CCDC102B: variants seen among roughly 807,000 people sequenced by gnomAD.
CCDC102B encodes the protein coiled-coil domain containing 102B.
In CCDC102B, 75 loss-of-function variants were observed where a neutral mutation model predicts 57.4. The ratio of observed to expected loss-of-function variants is 1.31; its 90% confidence interval spans 1.08 to 1.58. CCDC102B has a LOEUF of 1.58. CCDC102B is among the 40% of genes most tolerant of loss of function. The pLI is 0.00. For synonymous variants in CCDC102B, 206 were observed against 201.9 expected, an observed-to-expected ratio of 1.02 and a Z score of -0.17; for missense variants, 636 against 582.6, an observed-to-expected ratio of 1.09 and a Z score of -0.94.
intron 4 of CCDC102B, among the ~76,000 whole-genome samples, chr18:68,847,355 A>G (rs549481745): frequency 1.3e-3 from 194 of 151,938 alleles, no homozygotes; most frequent in African/African-American, 4.5e-3. Context: ...GTGCTCTATA[A>G]TATAATGGGT....
chr18:68,803,768 T>TGTAAAG (rs1194948908), intron 1 of CCDC102B, among the ~76,000 whole-genome samples: 4,693 of 152,202 alleles, frequency 0.031, 226 homozygotes, highest in African/African-American at 0.11. Flanking sequence ...CAACCTAATA[T>TGTAAAG]TATTTTACTT....
chr18:68,935,833 G>A (rs2049221055), intron 6 of CCDC102B, among the ~76,000 whole-genome samples: 1 of 151,676 alleles, frequency 6.6e-6, no homozygotes, highest in Non-Finnish European at 1.5e-5. Flanking sequence ...GAAGGGAGAA[G>A]AGGGAAGGCA....
At chr18:68,760,674 C>T (rs2034225562) in intron 2 of CCDC102B, among the ~76,000 whole-genome samples, 1 of 151,954 alleles carries the variant, frequency 6.6e-6, no homozygotes, top group Non-Finnish European at 1.5e-5. Flanking sequence ...CTATGGGAAC[C>T]CAAGGACCAA....
intron 2 of CCDC102B, chr18:68,754,157 T>A (rs1230577402): frequency 2.3e-5 from 3 of 129,378 alleles, no homozygotes; most frequent in Non-Finnish European, 5.1e-5. Context: ...TTGAGGAGGT[T>A]TACAATCAAA....
intron 4 of CCDC102B, among the ~76,000 whole-genome samples, chr18:68,848,263 A>G (rs940170778): frequency 6.6e-6 from 1 of 151,938 alleles, no homozygotes; most frequent in African/African-American, 2.4e-5. Context: ...TTTCATGTAA[A>G]TTATTCTTTC....
intron 6 of CCDC102B, among the ~76,000 whole-genome samples, chr18:68,993,949 TTATATC>T: frequency 6.6e-6 from 1 of 152,302 alleles, no homozygotes; most frequent in South Asian, 2.1e-4. Context: ...TATAGATATT[TTATATC>T]TATATAAATA....
intron 5 of CCDC102B, among the ~76,000 whole-genome samples, chr18:68,883,870 C>T (rs1454820251): frequency 6.6e-6 from 1 of 152,190 alleles, no homozygotes; most frequent in Non-Finnish European, 1.5e-5. Context: ...ATAAGCCCCT[C>T]CTGTTTGTAC....
intron 6 of CCDC102B, among the ~76,000 whole-genome samples, chr18:68,963,423 A>G (rs1021817964): frequency 6.6e-6 from 1 of 151,956 alleles, no homozygotes; most frequent in Non-Finnish European, 1.5e-5. Context: ...TGATAGAAAA[A>G]CATAGACAAA....
chr18:68,937,463 C>G (rs1397604172), intron 6 of CCDC102B, among the ~76,000 whole-genome samples: 4 of 152,014 alleles, frequency 2.6e-5, no homozygotes, highest in Non-Finnish European at 4.4e-5. Context: ...CCAGAGTGCT[C>G]TGAGTATTGA....
In CCDC102B at chr18:68,996,737, C is replaced by T. The variant is rs765533379; in HGVS notation, c.1264-14197C>T. 3.6e-4 allele frequency among the ~76,000 whole-genome samples: 54 copies of T among 152,102 alleles called. 1 individual carries two copies. Among genetic ancestry groups the T allele is most frequent in the Non-Finnish European group, 7.5e-4 (51 of 68,026 alleles). ...CAGGCTCATAGGCAGAAATGACTTG[C>T]TTTATTTCAGATGACACTTTGGACT... On this transcript the variant is annotated intron_variant, in intron 6 of 7. Transcript: ENST00000360242.
chr18:69,022,768 C>T (rs528389536), intron 7 of CCDC102B, among the ~76,000 whole-genome samples: 77 of 152,096 alleles, frequency 5.1e-4, no homozygotes, highest in Middle Eastern at 6.8e-3. Context: ...TGTTTTTGCA[C>T]AACATGTCCT....
At chr18:68,854,406 T>C (rs899455175) in intron 4 of CCDC102B, among the ~76,000 whole-genome samples, 21 of 152,188 alleles carry the variant, frequency 1.4e-4, no homozygotes, top group Non-Finnish European at 2.8e-4. Flanking sequence ...GGCAGCATAA[T>C]ACCTTTTCTA....
intron 1 of CCDC102B, among the ~76,000 whole-genome samples, chr18:68,798,617 TG>T (rs1403182819): frequency 2.6e-5 from 4 of 152,178 alleles, no homozygotes; most frequent in Non-Finnish European, 4.4e-5. Flanking sequence ...CTATGCCTCA[TG>T]TACCTTGAAT....
chr18:68,790,153 G>T (rs996727627), intron 2 of CCDC102B, among the ~76,000 whole-genome samples: 4 of 137,282 alleles, frequency 2.9e-5, no homozygotes, highest in South Asian at 2.3e-4. Flanking sequence ...GGGGTCAGGG[G>T]TCAGGGACCC....
At chr18:68,759,776 C>T (rs561864993) in intron 2 of CCDC102B, among the ~76,000 whole-genome samples, 9 of 152,146 alleles carry the variant, frequency 5.9e-5, no homozygotes, top group South Asian at 2.1e-4. Context: ...AGGGAAGTCT[C>T]GGATGGCAGC....
chr18:68,967,532 A>C (rs1304853163), intron 6 of CCDC102B, among the ~76,000 whole-genome samples: 1 of 152,176 alleles, frequency 6.6e-6, no homozygotes. Flanking sequence ...GAACAGTTTT[A>C]CATAAATTGT....
chr18:68,815,953 T>C (rs1312002850), intron 1 of CCDC102B, among the ~76,000 whole-genome samples: 1 of 152,220 alleles, frequency 6.6e-6, no homozygotes, highest in East Asian at 1.9e-4. Flanking sequence ...TTAGATAATT[T>C]GGAAAAAGGA....
At chr18:68,935,551 A>G (rs2049209796) in intron 6 of CCDC102B, among the ~76,000 whole-genome samples, 1 of 151,996 alleles carries the variant, frequency 6.6e-6, no homozygotes, top group African/African-American at 2.4e-5. Flanking sequence ...AATAGGCTGT[A>G]GGTATCTGAA....
chr18:68,951,148 A>G (rs2049685963), intron 6 of CCDC102B, among the ~76,000 whole-genome samples: 1 of 152,126 alleles, frequency 6.6e-6, no homozygotes. Context: ...AGCCTGGAGT[A>G]GGGGAAGGGA....
Sources: allele counts gnomAD v4.1 joint callset (sites outside exome capture counted in the v4.1 genomes callset), GRCh38; gene constraint gnomAD v4.1.1; transcripts MANE v1.5; gene names NCBI Gene and HGNC (gene_info 2026-07-23, HGNC 2026-07-21).